GALNTL6: variants seen among roughly 807,000 people sequenced by gnomAD.
GALNTL6 encodes the protein polypeptide N-acetylgalactosaminyltransferase like 6.
A neutral mutation model predicts 73.7 loss-of-function variants in GALNTL6; 46 were observed. The ratio of observed to expected loss-of-function variants is 0.62; its 90% CI spans 0.49 to 0.80. The LOEUF (loss-of-function observed/expected upper bound fraction) is 0.80, where lower values mean the gene tolerates loss of function less well. Among genes scored for constraint, GALNTL6 ranks in the 30% least tolerant of loss-of-function variants. The pLI is 0.00. For missense variants in GALNTL6, 604 were observed against 755.0 expected (o/e 0.80, Z 2.34); for synonymous variants, 259 against 263.7 (o/e 0.98, Z 0.17).
intron 2 of GALNTL6, among the ~76,000 whole-genome samples, chr4:171,884,732 T>G (rs937654781): frequency 1.3e-5 from 2 of 152,070 alleles, no homozygotes; most frequent in Admixed American, 1.3e-4. Flanking sequence ...GCTAATGTAT[T>G]TAACAATAAA....
At chr4:172,465,635 T>C (rs575929926) in intron 5 of GALNTL6, among the ~76,000 whole-genome samples, 65 of 152,204 alleles carry the variant, frequency 4.3e-4, no homozygotes, top group African/African-American at 1.4e-3. Flanking sequence ...AATAGCAAAC[T>C]CCAAACATGC....
intron 8 of GALNTL6, among the ~76,000 whole-genome samples, chr4:172,908,468 G>A (rs896408706): frequency 3.3e-5 from 5 of 151,740 alleles, no homozygotes; most frequent in East Asian, 3.9e-4. Flanking sequence ...ATAAAAATAC[G>A]ATATAAAAAT....
chr4:172,052,516 T>C (rs1730905158), intron 2 of GALNTL6: 4 of 1,534,612 alleles, frequency 2.6e-6, no homozygotes, highest in African/African-American at 2.7e-5. Flanking sequence ...ACGGAGTGCA[T>C]GAGCTGGTTT....
chr4:171,868,370 TAAACAATA>T (rs1736030312), intron 2 of GALNTL6, among the ~76,000 whole-genome samples: 1 of 107,682 alleles, frequency 9.3e-6, no homozygotes, highest in Non-Finnish European at 1.7e-5. Context: ...TTCGCGTCTG[TAAACAATA>T]GATATCTCTT....
chr4:172,008,685 C>T (rs535379825), intron 2 of GALNTL6, among the ~76,000 whole-genome samples: 2 of 152,094 alleles, frequency 1.3e-5, no homozygotes, highest in Non-Finnish European at 2.9e-5. Flanking sequence ...CCTTCAGGCA[C>T]GAATGGGAAT....
chr4:172,611,271 G>A (rs549747195), intron 5 of GALNTL6, among the ~76,000 whole-genome samples: 74 of 152,150 alleles, frequency 4.9e-4, no homozygotes, highest in Admixed American at 4.8e-3. Flanking sequence ...GTGCTTTATA[G>A]TATCAGTGGT....
intron 9 of GALNTL6, among the ~76,000 whole-genome samples, chr4:172,945,755 T>C (rs1749136635): frequency 6.6e-6 from 1 of 152,178 alleles, no homozygotes; most frequent in African/African-American, 2.4e-5. Flanking sequence ...TAGGACTAGA[T>C]TAGCCTCCTC....
At chr4:172,807,367 A>G (rs1453299190) in intron 5 of GALNTL6, among the ~76,000 whole-genome samples, 1 of 152,228 alleles carries the variant, frequency 6.6e-6, no homozygotes, top group African/African-American at 2.4e-5. Flanking sequence ...AGGCAAAAGA[A>G]AATTCTAAAT....
At position 172,189,344 on chromosome 4, in the gene GALNTL6, C is replaced by A. The variant is rs552361371; in HGVS notation, c.139-40312C>A. ...AGTAATAATTTAATATTACATAGACCCCATGGAAAACTAAAAAACACTGTG... is the reference window on the plus strand; with the variant it reads ...AGTAATAATTTAATATTACATAGACACCATGGAAAACTAAAAAACACTGTG... On this transcript the variant is annotated intron_variant, in intron 2 of 12. Transcript: ENST00000506823. 1.3e-4 allele frequency among the ~76,000 whole-genome samples: 19 copies of A among 151,886 alleles called. No homozygotes were observed. In the South Asian group the frequency reaches 4.0e-3, roughly 32 times the overall value.
chr4:172,482,030 T>A (rs1733503082), intron 5 of GALNTL6, among the ~76,000 whole-genome samples: 1 of 152,198 alleles, frequency 6.6e-6, no homozygotes. Flanking sequence ...GGGAGGCAGC[T>A]GAGGCCAGGT....
Position 173,021,507 on chromosome 4 carries a change from G to C in GALNTL6, c.1520G>C (p.Arg507Pro). 1 of 1,614,014 alleles carries C rather than the reference G, an allele frequency of 6.2e-7. No individual in the cohort carries two copies. Among genetic ancestry groups the C allele is most frequent in the Middle Eastern group, 1.6e-4 (1 of 6,062 alleles). ...ACCTTTGGATGGAGAGAAGATATTC[G>C]ACCCGGTGAGCCACTGCATACCCGG... ...LFTFGWREDI[R>P]PGEPLHTRKF... The change falls in exon 12 of 13, where the codon CGA becomes CCA. Residue 507 changes from arginine to proline, a missense_variant. By Grantham distance (103) the Arg-to-Pro change is moderately radical. Transcript: ENST00000506823.
At chr4:172,449,788 C>A (rs966902844) in intron 5 of GALNTL6, among the ~76,000 whole-genome samples, 3 of 152,226 alleles carry the variant, frequency 2.0e-5, no homozygotes, top group Non-Finnish European at 4.4e-5. Flanking sequence ...ACAGATGACT[C>A]TTGAACTAAT....
At chr4:172,212,423 C>T (rs573815719) in intron 2 of GALNTL6, among the ~76,000 whole-genome samples, 41 of 152,140 alleles carry the variant, frequency 2.7e-4, no homozygotes, top group Non-Finnish European at 4.9e-4. Context: ...CCTCCCAAAG[C>T]GCTCAGATTA....
chr4:172,180,600 T>C (rs1235349282), intron 2 of GALNTL6, among the ~76,000 whole-genome samples: 1 of 152,218 alleles, frequency 6.6e-6, no homozygotes, highest in Non-Finnish European at 1.5e-5. Flanking sequence ...TGTAAGTCTT[T>C]AATTGATCTT....
intron 2 of GALNTL6, among the ~76,000 whole-genome samples, chr4:172,089,855 C>T (rs1732149566): frequency 2.0e-5 from 3 of 152,100 alleles, no homozygotes; most frequent in African/African-American, 7.2e-5. Flanking sequence ...TCCCCTAGCC[C>T]CTGATTTCCC....
chr4:172,292,490 A>G (rs1163448505), intron 3 of GALNTL6, among the ~76,000 whole-genome samples: 1 of 152,136 alleles, frequency 6.6e-6, no homozygotes, highest in African/African-American at 2.4e-5. Context: ...CTTCAGTTGT[A>G]GTTATAGAAA....
Position 173,021,413 on chromosome 4 carries a change from G to A in GALNTL6, c.1489-63G>A, listed in dbSNP as rs1579792016. 19 of 1,539,612 alleles carry A rather than the reference G, an allele frequency of 1.2e-5. No homozygotes were observed. In the East Asian group the frequency reaches 2.7e-4, roughly 22 times the overall value. ...ATTGCTAAAAGACATACCTTCCCCC[G>A]CCCTTGCATCTTCTCTCCAAAACAA... On this transcript the variant is annotated intron_variant, in intron 11 of 12. Transcript: ENST00000506823.
intron 5 of GALNTL6, among the ~76,000 whole-genome samples, chr4:172,770,380 C>A (rs1022726376): frequency 2.0e-5 from 3 of 151,966 alleles, no homozygotes; most frequent in Non-Finnish European, 2.9e-5. Context: ...TACTCTTATT[C>A]TTTTACTGTG....
intron 5 of GALNTL6, among the ~76,000 whole-genome samples, chr4:172,788,808 C>T (rs1739829408): frequency 6.6e-6 from 1 of 151,780 alleles, no homozygotes; most frequent in South Asian, 2.1e-4. Context: ...GTTCAGGGCA[C>T]AGATAGGCTG....
Sources: allele counts gnomAD v4.1 joint callset (sites outside exome capture counted in the v4.1 genomes callset), GRCh38; gene constraint gnomAD v4.1.1; transcripts MANE v1.5; gene names NCBI Gene and HGNC (gene_info 2026-07-23, HGNC 2026-07-21).